PACRG: variants seen among roughly 807,000 people sequenced by gnomAD.
The protein encoded by PACRG is parkin coregulated gene protein.
Under a neutral mutation model 29.7 loss-of-function variants are expected in PACRG, and 29 were observed. That is an observed-to-expected ratio of 0.98 (90% CI 0.73 to 1.33). The LOEUF (loss-of-function observed/expected upper bound fraction) is 1.33. Among genes scored for constraint, PACRG ranks in the 40% most tolerant of loss-of-function variants. The pLI is 0.00. For synonymous variants in PACRG, 116 were observed against 118.7 expected (o/e 0.98, Z 0.15); for missense variants, 279 against 316.2 (o/e 0.88, Z 0.89).
intron 4 of PACRG, chr6:163,189,374 AAG>A (rs1305200398): frequency 3.9e-5 from 6 of 152,276 alleles, no homozygotes; most frequent in Non-Finnish European, 8.8e-5. Flanking sequence ...AATTTAAAAA[AAG>A]AGAGAATTAT....
At chr6:163,312,528 C>T (rs6906613) in intron 4 of PACRG, among the ~76,000 whole-genome samples, 12 of 94,134 alleles carry the variant, frequency 1.3e-4, no homozygotes, top group Admixed American at 8.9e-4. Context: ...GCGGAGCCAC[C>T]GGGCTTCATC....
chr6:163,131,466 G>T (rs989427569), intron 4 of PACRG, among the ~76,000 whole-genome samples: 19 of 152,178 alleles, frequency 1.2e-4, no homozygotes, highest in African/African-American at 1.9e-4. Context: ...AAATGCTAAG[G>T]ATTGCTGGCA....
intron 2 of PACRG, among the ~76,000 whole-genome samples, chr6:162,837,315 A>AT (rs1256428304): frequency 2.6e-5 from 4 of 152,148 alleles, no homozygotes; most frequent in African/African-American, 4.8e-5. Context: ...GATAAAGAGT[A>AT]TTTGGGTTGT....
intron 2 of PACRG, among the ~76,000 whole-genome samples, chr6:163,004,702 G>GT (rs1491473787): frequency 1.2e-4 from 4 of 34,548 alleles, no homozygotes; most frequent in African/African-American, 8.4e-4. Flanking sequence ...CAAAGTTCTA[G>GT]TGTGTGTGTG....
intron 4 of PACRG, among the ~76,000 whole-genome samples, chr6:163,192,583 TA>T (rs1248953606): frequency 6.6e-6 from 1 of 152,250 alleles, no homozygotes; most frequent in Admixed American, 6.5e-5. Flanking sequence ...GCCTTATTTT[TA>T]AACATTTAAA....
intron 1 of PACRG, among the ~76,000 whole-genome samples, chr6:162,737,854 T>C (rs1319679551): frequency 6.6e-6 from 1 of 152,060 alleles, no homozygotes; most frequent in Non-Finnish European, 1.5e-5. Context: ...TGCTTATAGG[T>C]ATACATTTTC....
chr6:162,797,914 C>G (rs1763358488), intron 1 of PACRG, among the ~76,000 whole-genome samples: 1 of 150,402 alleles, frequency 6.6e-6, no homozygotes, highest in African/African-American at 2.4e-5. Context: ...CATTTCTTCC[C>G]TGTCATAATT....
intron 2 of PACRG, among the ~76,000 whole-genome samples, chr6:162,820,776 G>A (rs1430583659): frequency 6.6e-6 from 1 of 152,118 alleles, no homozygotes; most frequent in Non-Finnish European, 1.5e-5. Flanking sequence ...TCTTGGAATT[G>A]TCCTGGGTTT....
chr6:163,090,618 C>T (rs1192927014), intron 4 of PACRG, among the ~76,000 whole-genome samples: 4 of 152,120 alleles, frequency 2.6e-5, no homozygotes, highest in Non-Finnish European at 4.4e-5. Context: ...CTTATTTAAA[C>T]AGTCTTCATT....
intron 1 of PACRG, among the ~76,000 whole-genome samples, chr6:162,803,826 C>A (rs1786085191): frequency 6.6e-6 from 1 of 151,922 alleles, no homozygotes; most frequent in South Asian, 2.1e-4. Context: ...ATAATATTAT[C>A]AAGATCATAA....
chr6:163,157,851 A>G (rs562875854), intron 4 of PACRG, among the ~76,000 whole-genome samples: 3 of 152,334 alleles, frequency 2.0e-5, no homozygotes, highest in South Asian at 2.1e-4. Context: ...CAATAACACT[A>G]TGAAAGTTGT....
intron 4 of PACRG, among the ~76,000 whole-genome samples, chr6:163,133,668 C>G (rs963735341): frequency 2.0e-5 from 3 of 152,312 alleles, no homozygotes; most frequent in South Asian, 4.2e-4. Context: ...GGCTGCGAAG[C>G]TGTCGAGCCC....
chr6:163,156,353 T>G (rs114879709), intron 4 of PACRG, among the ~76,000 whole-genome samples: 2,147 of 152,280 alleles, frequency 0.014, 56 homozygotes, highest in African/African-American at 0.048. Flanking sequence ...CCTACATCGC[T>G]TCTCCATCCC....
chr6:162,860,437 A>G (rs1230282523), intron 2 of PACRG, among the ~76,000 whole-genome samples: 1 of 152,234 alleles, frequency 6.6e-6, no homozygotes, highest in African/African-American at 2.4e-5. Context: ...CTAGCAGAAC[A>G]TGCCAACTTG....
At chr6:162,829,402 T>G (rs1228141025) in intron 2 of PACRG, among the ~76,000 whole-genome samples, 1 of 152,244 alleles carries the variant, frequency 6.6e-6, no homozygotes, top group Non-Finnish European at 1.5e-5. Flanking sequence ...TGAAAAGAGA[T>G]GAAACTGAGT....
At chr6:163,005,560 G>A (rs1358699476) in intron 2 of PACRG, among the ~76,000 whole-genome samples, 3 of 151,520 alleles carry the variant, frequency 2.0e-5, no homozygotes, top group African/African-American at 7.3e-5. Context: ...CATGGGTTTT[G>A]TTTATTTTCC....
At chr6:162,969,046 C>CCAAAAAAAAAAA (rs1801301225) in intron 2 of PACRG, among the ~76,000 whole-genome samples, 1 of 72,832 alleles carries the variant, frequency 1.4e-5, no homozygotes, top group Non-Finnish European at 2.4e-5. Flanking sequence ...GACTCTATCA[C>CCAAAAAAAAAAA]AAAAAAAAAA....
chr6:163,143,587 AT>A (rs1175449597), intron 4 of PACRG, among the ~76,000 whole-genome samples: 1 of 152,254 alleles, frequency 6.6e-6, no homozygotes, highest in Non-Finnish European at 1.5e-5. Context: ...CTGCCAATGC[AT>A]AACACACAAT....
intron 3 of PACRG, among the ~76,000 whole-genome samples, chr6:163,080,461 A>G (rs1812979943): frequency 6.6e-6 from 1 of 152,170 alleles, no homozygotes; most frequent in Admixed American, 6.5e-5. Flanking sequence ...TGCAGGCCCA[A>G]CCTGGGCAAC....
Sources: allele counts gnomAD v4.1 joint callset (sites outside exome capture counted in the v4.1 genomes callset), GRCh38; gene constraint gnomAD v4.1.1; transcripts MANE v1.5; gene names NCBI Gene and HGNC (gene_info 2026-07-23, HGNC 2026-07-21).